Variants in THOC1 observed in about 807,000 individuals in gnomAD.
The protein encoded by THOC1 is THO complex 1.
THOC1 carries 29 observed loss-of-function variants against 97.3 expected under a neutral mutation model. That is an observed-to-expected ratio of 0.30 (90% CI 0.22 to 0.41). The LOEUF is 0.41. Ranked by LOEUF, THOC1 falls within the 10% of genes least tolerant of loss-of-function variation. The probability of loss-of-function intolerance (pLI) is 1.00; values close to 1 mark genes in which losing one functional copy is unlikely to be tolerated. For synonymous variants in THOC1, 255 were observed against 257.0 expected (o/e 0.99, Z 0.07); for missense variants, 529 against 761.9 (o/e 0.69, Z 3.60).
intron 11 of THOC1, chr18:246,118 T>A (rs892219612): frequency 3.8e-5 from 16 of 416,502 alleles, no homozygotes; most frequent in African/African-American, 3.3e-4. Context: ...AGACTTAATG[T>A]AGAACTACTT....
chr18:260,360 C>A, intron 4 of THOC1, 56 bp from the exon 5 acceptor site: 4 of 1,097,608 alleles, frequency 3.6e-6, no homozygotes, highest in South Asian at 3.7e-5. Context: ...AGTAGAATAG[C>A]CTATGAAAAA....
At position 225,109 on chromosome 18, in the gene THOC1, T is replaced by C. The variant is rs1249678965; in HGVS notation, c.1117A>G (p.Arg373Gly). 7.6e-6 allele frequency: 12 copies of C among 1,577,476 alleles called. No homozygotes were observed. Among genetic ancestry groups the C allele is most frequent in the Admixed American group, 5.5e-5 (3 of 54,944 alleles). ...CATACCTCTACCATCTTTGAAAATC[T>C]TTCTCCATCGGGGGGGTTTTCAGAT... ...LLSENPPDGE[R>G]FSKMVEHILN... The change falls in exon 14 of 21, where the codon AGA becomes GGA. Residue 373 changes from arginine to glycine, a missense_variant. Physicochemically the swap from Arg to Gly is moderately radical, Grantham distance 125. Around this residue, in one of 8 missense-constraint regions of THOC1, gnomAD observed 123 missense variants for 159.0 expected, o/e 0.77. Transcript: ENST00000261600.
At position 224,941 on chromosome 18, in the gene THOC1, T is replaced by G; in HGVS notation, c.1191A>C (p.Pro397=). Residue 397 remains proline, a synonymous_variant, in exon 15 of 21, where the codon CCA becomes CCC. Coordinates refer to ENST00000261600, the MANE Select transcript of THOC1 (RefSeq NM_005131.3). ...GTATTTACCTTTCTTTCACAAAACT[T>G]GGGCAACCTTCATTTTTCCACGAGT... The part of the protein sequence containing the change: ...NWNSWKNEGC[P]SFVKERTSDT... The G allele has an allele frequency of 1.3e-6, 2 of 1,573,828 alleles. No individual in the cohort carries two copies. The highest frequency in any genetic ancestry group is 8.6e-7 in the Non-Finnish European group (1 of 1,157,374).
At chr18:259,110 C>CTATCATTAAT in intron 7 of THOC1, 70 bp downstream of exon 7, 1 of 1,158,914 alleles carries the variant, frequency 8.6e-7, no homozygotes, top group Non-Finnish European at 1.2e-6. Flanking sequence ...ATTATCATGA[C>CTATCATTAAT]AGATTTTAAT....
At chr18:251,608 A>C (rs554483378) in intron 9 of THOC1, among the ~76,000 whole-genome samples, 17 of 152,242 alleles carry the variant, frequency 1.1e-4, no homozygotes, top group Admixed American at 1.0e-3. Flanking sequence ...GTCTATGTAG[A>C]GTTTGCACAT....
At chr18:224,765 A>G (rs1479816525) in intron 15 of THOC1, among the ~76,000 whole-genome samples, 159 bp downstream of exon 15, 3 of 152,200 alleles carry the variant, frequency 2.0e-5, no homozygotes, top group Non-Finnish European at 4.4e-5. Flanking sequence ...GAGGTAAATC[A>G]AAGTGGTTGT....
At chr18:251,556 C>T (rs538289511) in intron 9 of THOC1, among the ~76,000 whole-genome samples, 3 of 146,706 alleles carry the variant, frequency 2.0e-5, no homozygotes, top group African/African-American at 7.3e-5. Flanking sequence ...TTTATTGTAA[C>T]GTTGATGAGA....
chr18:223,392 T>A (rs1322820229), intron 17 of THOC1, 48 bp downstream of exon 17: 15 of 1,451,650 alleles, frequency 1.0e-5, no homozygotes, highest in Non-Finnish European at 1.4e-5. Context: ...TCCATTCTAC[T>A]CAACACTTGA....
At chr18:236,441 C>T (rs1282840511) in intron 11 of THOC1, among the ~76,000 whole-genome samples, 2 of 150,274 alleles carry the variant, frequency 1.3e-5, no homozygotes, top group African/African-American at 2.4e-5. Flanking sequence ...CTGCAAGCTC[C>T]GCCTCCCGGG....
At chr18:250,536 G>A (rs1334914246) in intron 9 of THOC1, among the ~76,000 whole-genome samples, 1 of 152,076 alleles carries the variant, frequency 6.6e-6, no homozygotes, top group Non-Finnish European at 1.5e-5. Context: ...TTTTTTAAAT[G>A]TTCAGCTATT....
chr18:252,680 A>G (rs980983586), intron 8 of THOC1, 68 bp from the exon 9 acceptor site: 4 of 1,345,092 alleles, frequency 3.0e-6, no homozygotes, highest in Admixed American at 3.9e-5. Flanking sequence ...AAATGCTAGA[A>G]TAAGTGGTCA....
Position 246,338 on chromosome 18 carries a change from A to G in THOC1, c.904T>C (p.Leu302=). The change falls in exon 11 of 21, where the codon TTA becomes CTA. Residue 302 remains leucine, a synonymous_variant. Coordinates refer to ENST00000261600, the MANE Select transcript of THOC1 (RefSeq NM_005131.3). ...GGEHVYFAKF[L]TSEKLMDLQL... ...AAAACTTATACCTTTTCACTTGTTA[A>G]AAATTTTGCAAAATATACATGTTCT... is the stretch of plus-strand genomic sequence containing the variant. 2 of 1,575,766 alleles carry G rather than the reference A, an allele frequency of 1.3e-6. No individual in the cohort carries two copies. The highest frequency in any genetic ancestry group is 1.1e-5 in the South Asian group (1 of 87,714).
intron 18 of THOC1, among the ~76,000 whole-genome samples, chr18:218,664 T>C (rs929252688): frequency 1.1e-4 from 17 of 152,142 alleles, no homozygotes; most frequent in African/African-American, 3.4e-4. Flanking sequence ...TTTTTTTTCT[T>C]ATATTTTGAA....
intron 11 of THOC1, among the ~76,000 whole-genome samples, chr18:231,504 A>G (rs574298268): frequency 2.6e-5 from 4 of 152,340 alleles, no homozygotes; most frequent in Admixed American, 2.0e-4. Context: ...ACCAACTGTC[A>G]TAACACATCA....
At chr18:224,589 A>G (rs1911211121) in intron 15 of THOC1, among the ~76,000 whole-genome samples, 1 of 152,132 alleles carries the variant, frequency 6.6e-6, no homozygotes, top group Admixed American at 6.5e-5. Flanking sequence ...AAAAAAAAAA[A>G]AAAAATGAAA....
chr18:264,087 A>G lies in THOC1; in HGVS notation c.195T>C (p.Asn65=), dbSNP rs765363493. The change falls in exon 4 of 21, where the codon AAT becomes AAC. Residue 65 remains asparagine, a synonymous_variant. Transcript: ENST00000261600. ...CTAAAACGTTTTCACATGATGAATGATTTATCTACCAACAGAGGAGAAACA... is the reference window on the plus strand; with the variant it reads ...CTAAAACGTTTTCACATGATGAATGGTTTATCTACCAACAGAGGAGAAACA... ...FRGILEEEII[N]HSSCENVLAI... The G allele has an allele frequency of 1.9e-6, 3 of 1,609,904 alleles. No homozygotes were observed. The highest frequency in any genetic ancestry group is 2.7e-5 in the African/African-American group (2 of 74,838).
At chr18:235,259 T>C (rs570609494) in intron 11 of THOC1, among the ~76,000 whole-genome samples, 1 of 152,270 alleles carries the variant, frequency 6.6e-6, no homozygotes, top group East Asian at 1.9e-4. Context: ...TTCATTTTCC[T>C]TGCACAAGCT....
At chr18:260,683 A>C (rs1426804611) in intron 4 of THOC1, 1 of 153,192 alleles carries the variant, frequency 6.5e-6, no homozygotes, top group Non-Finnish European at 1.5e-5. Flanking sequence ...CACCAAGATC[A>C]TAGAGCCAGT....
intron 2 of THOC1, 44 bp from the exon 3 acceptor site, chr18:265,407 G>A: frequency 6.3e-7 from 1 of 1,589,046 alleles, no homozygotes; most frequent in African/African-American, 1.4e-5. Context: ...ACAGCTCAGG[G>A]TATGTATAAA....
Sources: allele counts gnomAD v4.1 joint callset (sites outside exome capture counted in the v4.1 genomes callset), GRCh38; gene constraint gnomAD v4.1.1; regional missense constraint gnomAD v4.1.1; transcripts MANE v1.5; gene names NCBI Gene and HGNC (gene_info 2026-07-23, HGNC 2026-07-21).